The following EYS variants were observed in gnomAD, a reference collection of about 807,000 sequenced individuals.
EYS encodes protein eyes shut homolog.
Under a neutral mutation model 282.1 loss-of-function variants are expected in EYS, and 250 were observed. The ratio of observed to expected loss-of-function variants is 0.89; its 90% CI spans 0.80 to 0.98. The LOEUF is 0.98. EYS is among the 50% of genes least tolerant of loss of function. The pLI is 0.00. For missense variants in EYS, 4,016 were observed against 3,709.0 expected (o/e 1.08, Z -2.15); for synonymous variants, 1,355 against 1,282.9 (o/e 1.06, Z -1.20).
chr6:64,469,371 T>C (rs559214999), intron 26 of EYS, among the ~76,000 whole-genome samples: 3 of 152,236 alleles, frequency 2.0e-5, no homozygotes, highest in Non-Finnish European at 4.4e-5. Flanking sequence ...TTATACCAGA[T>C]ATAGATCTTA....
At chr6:64,940,979 T>G (rs187103158) in intron 15 of EYS, among the ~76,000 whole-genome samples, 33 of 152,236 alleles carry the variant, frequency 2.2e-4, no homozygotes, top group Non-Finnish European at 3.1e-4. Context: ...AGTGTGTTTG[T>G]ATGCAATTCA....
At chr6:63,875,183 A>G (rs555767938) in intron 35 of EYS, among the ~76,000 whole-genome samples, 1 of 152,196 alleles carries the variant, frequency 6.6e-6, no homozygotes, top group Non-Finnish European at 1.5e-5. Flanking sequence ...TAGCATGAAG[A>G]CCTGCTGAAT....
chr6:64,515,699 C>CT (rs745513141), intron 26 of EYS, among the ~76,000 whole-genome samples: 9 of 151,288 alleles, frequency 5.9e-5, no homozygotes, highest in Non-Finnish European at 8.9e-5. Flanking sequence ...TTAGGCAATG[C>CT]TGATAATGTT....
intron 31 of EYS, among the ~76,000 whole-genome samples, chr6:64,213,571 T>C (rs1371453535): frequency 1.3e-5 from 2 of 152,156 alleles, no homozygotes; most frequent in Admixed American, 1.3e-4. Flanking sequence ...CCTCTATATA[T>C]ACAAAATGAA....
rs550866902 is a variant in EYS at position 65,042,884 on chromosome 6, T to C, written c.2137+14730A>G. Among the ~76,000 whole-genome samples, 3 of 151,306 alleles carry C rather than the reference T, an allele frequency of 2.0e-5. No individual in the cohort carries two copies. The East Asian group carries it at 5.8e-4, about 29-fold the overall frequency. ...AATTATTATATATATGTTTACGAGA[T>C]ACTTTAAAACTACACATTTGGCTAA... On this transcript the variant is annotated intron_variant, in intron 13 of 42. Coordinates refer to ENST00000503581, the MANE Select transcript of EYS (RefSeq NM_001142800.2).
intron 31 of EYS, among the ~76,000 whole-genome samples, chr6:64,088,786 C>G (rs1446936062): frequency 6.6e-6 from 1 of 151,928 alleles, no homozygotes; most frequent in African/African-American, 2.4e-5. Flanking sequence ...CACAACGCAA[C>G]TTAGCAGAAT....
chr6:64,600,496 G>A (rs1766730375), intron 24 of EYS, among the ~76,000 whole-genome samples: 1 of 152,004 alleles, frequency 6.6e-6, no homozygotes, highest in South Asian at 2.1e-4. Flanking sequence ...GTAATATTGA[G>A]ATATCTTTGT....
intron 1 of EYS, among the ~76,000 whole-genome samples, chr6:65,697,810 G>A (rs1374570363): frequency 6.6e-6 from 1 of 152,130 alleles, no homozygotes; most frequent in African/African-American, 2.4e-5. Context: ...GTCAGAGCCT[G>A]TCAGTATGCC....
intron 31 of EYS, among the ~76,000 whole-genome samples, chr6:64,164,466 T>A (rs1775205065): frequency 6.6e-6 from 1 of 152,124 alleles, no homozygotes; most frequent in South Asian, 2.1e-4. Context: ...ACACCTGAGT[T>A]TTATATGCTT....
chr6:64,855,042 T>C (rs1766010116), intron 19 of EYS, among the ~76,000 whole-genome samples: 1 of 152,136 alleles, frequency 6.6e-6, no homozygotes, highest in Admixed American at 6.5e-5. Flanking sequence ...ACTGTTTTTA[T>C]TTTAGTTTTT....
chr6:63,840,984 T>A (rs780463379), intron 36 of EYS, among the ~76,000 whole-genome samples: 5 of 152,212 alleles, frequency 3.3e-5, no homozygotes, highest in Non-Finnish European at 7.4e-5. Flanking sequence ...TTTCTCAAGA[T>A]TGCCTTGGCT....
At chr6:63,816,972 T>C (rs1771194481) in intron 36 of EYS, among the ~76,000 whole-genome samples, 1 of 152,246 alleles carries the variant, frequency 6.6e-6, no homozygotes, top group Admixed American at 6.5e-5. Flanking sequence ...AAGTCTTTTC[T>C]TTTATTGCAT....
At chr6:64,815,152 C>T in intron 21 of EYS, 1 of 410,796 alleles carries the variant, frequency 2.4e-6, no homozygotes, top group Non-Finnish European at 4.9e-6. Context: ...TGTACACCCC[C>T]ACCCCCTACA....
chr6:65,371,914 G>T (rs1329826086), intron 8 of EYS, among the ~76,000 whole-genome samples: 1 of 150,962 alleles, frequency 6.6e-6, no homozygotes, highest in African/African-American at 2.4e-5. Context: ...AATGCAAATT[G>T]TACTCATATG....
At chr6:64,101,205 A>T (rs1562201547) in intron 31 of EYS, among the ~76,000 whole-genome samples, 1 of 148,740 alleles carries the variant, frequency 6.7e-6, no homozygotes, top group Non-Finnish European at 1.5e-5. Context: ...ATTTTAATAG[A>T]TTTTTTTTTT....
chr6:64,667,144 GTGTAAGAGCA>G (rs1769260985), intron 22 of EYS, among the ~76,000 whole-genome samples: 2 of 150,526 alleles, frequency 1.3e-5, no homozygotes, highest in Admixed American at 1.3e-4. Flanking sequence ...TTAATGAAAT[GTGTAAGAGCA>G]CAGAGAACTT....
chr6:65,597,766 T>C (rs562126541), intron 2 of EYS, among the ~76,000 whole-genome samples: 30 of 151,994 alleles, frequency 2.0e-4, no homozygotes, highest in Non-Finnish European at 3.1e-4. Flanking sequence ...CTGGTATCTG[T>C]GCAGCTTCCA....
At chr6:65,275,707 T>C (rs891590864) in intron 12 of EYS, among the ~76,000 whole-genome samples, 30 of 152,200 alleles carry the variant, frequency 2.0e-4, no homozygotes, top group African/African-American at 6.5e-4. Context: ...AGGATATAAA[T>C]TGGAAATTTG....
At chr6:65,605,225 T>G (rs1765745217) in intron 2 of EYS, among the ~76,000 whole-genome samples, 1 of 151,792 alleles carries the variant, frequency 6.6e-6, no homozygotes, top group Non-Finnish European at 1.5e-5. Context: ...ATAATGCAAT[T>G]GAATACCAAT....
Sources: allele counts gnomAD v4.1 joint callset (sites outside exome capture counted in the v4.1 genomes callset), GRCh38; gene constraint gnomAD v4.1.1; transcripts MANE v1.5; gene names NCBI Gene and HGNC (gene_info 2026-07-23, HGNC 2026-07-21).